Variants in EPHB2 observed in about 807,000 individuals in gnomAD.
EPHB2 encodes the protein ephrin type-B receptor 2.
In EPHB2, 18 loss-of-function variants were observed where a neutral mutation model predicts 96.4. The ratio of observed to expected loss-of-function variants is 0.19; its 90% CI spans 0.13 to 0.28. The LOEUF is 0.28. Ranked by LOEUF, EPHB2 falls within the 10% of genes least tolerant of loss-of-function variation. The probability of loss-of-function intolerance (pLI) is 1.00; values close to 1 mark genes in which losing one functional copy is unlikely to be tolerated. For missense variants in EPHB2, 989 were observed against 1,355.4 expected, an observed-to-expected ratio of 0.73 and a Z score of 4.25; for synonymous variants, 506 against 534.1, an observed-to-expected ratio of 0.95 and a Z score of 0.72.
intron 3 of EPHB2, among the ~76,000 whole-genome samples, chr1:22,798,459 CA>C (rs1355789287): frequency 6.6e-6 from 1 of 150,962 alleles, no homozygotes; most frequent in African/African-American, 2.5e-5. Context: ...CAGTCTTACC[CA>C]TTTTTTTTTT....
intron 1 of EPHB2, among the ~76,000 whole-genome samples, chr1:22,712,434 CCCCTT>C (rs777452989): frequency 3.3e-5 from 5 of 152,228 alleles, no homozygotes; most frequent in African/African-American, 7.2e-5. Flanking sequence ...TTGTGGGGCG[CCCCTT>C]CCCTTCTTGC....
In EPHB2 at chr1:22,784,830, G is replaced by A. The variant is rs763878876; in HGVS notation, c.565G>A (p.Ala189Thr). 34 of 1,603,596 alleles carry A rather than the reference G, an allele frequency of 2.1e-5. No homozygotes were observed. The highest frequency in any genetic ancestry group is 2.5e-5 in the Non-Finnish European group (29 of 1,173,714). ...QDYGGCMSLI[A>T]VRVFYRKCPR... is the part of the protein sequence containing the mutation. ...CTATGGCGGCTGCATGTCCCTCATC[G>A]CCGTGCGTGTCTTCTACCGCAAGTG... is the stretch of plus-strand genomic sequence containing the variant. The change falls in exon 3 of 16, where the codon GCC becomes ACC. Residue 189 changes from alanine (A) to threonine (T), a missense_variant. Transcript: ENST00000374630. This position sits in a 1 kb window ranked among gnomAD's most constrained non-coding sequence, Gnocchi z 5.1.
At chr1:22,791,863 C>A (rs114329846) in intron 3 of EPHB2, among the ~76,000 whole-genome samples, 6 of 152,048 alleles carry the variant, frequency 3.9e-5, no homozygotes, top group Admixed American at 6.6e-5. Flanking sequence ...CATTTCTAGG[C>A]GTGGAATTGT....
intron 6 of EPHB2, 153 bp from the exon 7 acceptor site, chr1:22,892,731 C>T: frequency 1.0e-6 from 1 of 971,900 alleles, no homozygotes; most frequent in South Asian, 1.3e-5. Flanking sequence ...TGGCAAAAGG[C>T]ATAATTCTAT....
rs116406916 is a variant in EPHB2 at position 22,810,636 on chromosome 1, G to A, written c.811+25560G>A. 7.7e-3 allele frequency among the ~76,000 whole-genome samples: 1,173 copies of A among 152,268 alleles called. 19 individuals carry two copies. Among genetic ancestry groups the A allele is most frequent in the African/African-American group, 0.025 (1,050 of 41,556 alleles). On this transcript the variant is annotated intron_variant, in intron 3 of 15. Transcript: ENST00000374630. Reference sequence around the variant, plus strand: ...TCCCAGTGGGTGGGGATCAGGGCAGGGGGTGCAGGGACTTCCCATGACAAG... The same window carrying A: ...TCCCAGTGGGTGGGGATCAGGGCAGAGGGTGCAGGGACTTCCCATGACAAG...
At chr1:22,725,141 G>C (rs1643553718) in intron 1 of EPHB2, among the ~76,000 whole-genome samples, 1 of 152,160 alleles carries the variant, frequency 6.6e-6, no homozygotes, top group Non-Finnish European at 1.5e-5. Context: ...CATACTGGGA[G>C]ATTCTCATCC....
intron 1 of EPHB2, among the ~76,000 whole-genome samples, chr1:22,762,965 T>C (rs1462881163): frequency 1.3e-5 from 2 of 152,122 alleles, no homozygotes; most frequent in African/African-American, 2.4e-5. Context: ...CTAGTGCCTA[T>C]GACCAGCCAC....
At chr1:22,889,441 G>A (rs925044495) in intron 6 of EPHB2, among the ~76,000 whole-genome samples, 2 of 152,188 alleles carry the variant, frequency 1.3e-5, no homozygotes, top group Admixed American at 1.3e-4. Flanking sequence ...TGCATCCCAG[G>A]TTTTGTAGAT....
At chr1:22,715,893 C>CT (rs1395585829) in intron 1 of EPHB2, among the ~76,000 whole-genome samples, 1 of 152,246 alleles carries the variant, frequency 6.6e-6, no homozygotes, top group Non-Finnish European at 1.5e-5. Context: ...CAGTTTCCCC[C>CT]TGGGTTCCTG....
intron 3 of EPHB2, among the ~76,000 whole-genome samples, chr1:22,809,101 C>G (rs945347521): frequency 1.3e-5 from 2 of 152,260 alleles, no homozygotes; most frequent in Non-Finnish European, 2.9e-5. Flanking sequence ...CAGACAGCTT[C>G]CCGGCGGTGC....
At chr1:22,775,166 G>A (rs752758915) in intron 1 of EPHB2, 5 of 779,432 alleles carry the variant, frequency 6.4e-6, no homozygotes, top group Non-Finnish European at 1.2e-5. Context: ...TATGGCCATG[G>A]CATCTTAAAA....
At chr1:22,719,249 C>G (rs1006499522) in intron 1 of EPHB2, among the ~76,000 whole-genome samples, 1 of 151,990 alleles carries the variant, frequency 6.6e-6, no homozygotes, top group South Asian at 2.1e-4. Context: ...GCCACGGGGC[C>G]CACTTTAGAG....
intron 1 of EPHB2, among the ~76,000 whole-genome samples, chr1:22,753,286 A>T (rs1374322721): frequency 6.6e-6 from 1 of 152,130 alleles, no homozygotes; most frequent in African/African-American, 2.4e-5. Context: ...TCATCTGTAA[A>T]ATGGGGGTCC....
chr1:22,762,542 T>TG (rs1644249410), intron 1 of EPHB2, among the ~76,000 whole-genome samples: 1 of 152,042 alleles, frequency 6.6e-6, no homozygotes, highest in African/African-American at 2.4e-5. Flanking sequence ...AGGGGTGGTG[T>TG]GTGAGTGGGC....
intron 1 of EPHB2, among the ~76,000 whole-genome samples, chr1:22,729,984 G>A (rs1643671084): frequency 6.6e-6 from 1 of 152,234 alleles, no homozygotes; most frequent in Non-Finnish European, 1.5e-5. Context: ...GGTGACAGTT[G>A]GCAGAGTGCT....
intron 1 of EPHB2, among the ~76,000 whole-genome samples, chr1:22,758,142 TCTC>T (rs1644181710): frequency 6.8e-6 from 1 of 146,244 alleles, no homozygotes; most frequent in South Asian, 2.3e-4. Context: ...ATGGTCTCAA[TCTC>T]CTGACCTCGT....
chr1:22,876,439 C>T (rs1638838282), intron 5 of EPHB2, among the ~76,000 whole-genome samples: 1 of 152,114 alleles, frequency 6.6e-6, no homozygotes, highest in African/African-American at 2.4e-5. Context: ...GGCTCCTTCC[C>T]CAAGTCTCAG....
rs201727615 is a variant in EPHB2, at chr1:22,864,034, C to CT, written c.968-819dup. 2.3e-3 allele frequency among the ~76,000 whole-genome samples: 299 copies of CT among 131,070 alleles called. 2 individuals are homozygous for CT. The highest frequency in any genetic ancestry group is 9.0e-3 in the African/African-American group (274 of 30,286). The allele number at this position is 131,070 out of a possible 152,430, so 86.0% of individuals were successfully genotyped here. ...CACCACGCCCAACCTAGTTTCTGTT[C>CT]TTTTTTTTTTTTTTTTTTTTTTTTG... On this transcript the variant is annotated intron_variant, in intron 4 of 15. Coordinates refer to ENST00000374630, the MANE Select transcript of EPHB2 (RefSeq NM_017449.5).
In EPHB2 at chr1:22,882,960, A is replaced by G. The variant is rs116358684; in HGVS notation, c.1428+477A>G. ...TTTCACTCGCCTGCATGCCCTTTGC[A>G]TGGGGAGAGGTGATTTCACTTTGAG... On this transcript the variant is annotated intron_variant, in intron 6 of 15. Transcript: ENST00000374630. 7.0e-3 allele frequency: 1,586 copies of G among 227,162 alleles called. 35 individuals are homozygous for G. The highest frequency in any genetic ancestry group is 0.034 in the African/African-American group (1,494 of 43,908). The allele number at this position is 227,162 out of a possible 1,614,324, so 14.1% of individuals were successfully genotyped here.
Sources: gnomAD v4.1 joint callset for allele counts (sites outside exome capture counted in the v4.1 genomes callset) on GRCh38, gnomAD v4.1.1 for gene constraint, Gnocchi (gnomAD v3.1) non-coding constraint, MANE v1.5 for transcripts, NCBI Gene and HGNC (gene_info 2026-07-23, HGNC 2026-07-21) for gene names.